Variants in SNX7 observed in about 807,000 individuals in gnomAD.
SNX7 encodes the protein sorting nexin-7.
A neutral mutation model predicts 48.4 loss-of-function variants in SNX7; 35 were observed. The observed-to-expected ratio is 0.72, with a 90% CI of 0.55 to 0.96. The LOEUF (loss-of-function observed/expected upper bound fraction) is 0.96, where lower values mean the gene tolerates loss of function less well. Ranked by LOEUF, SNX7 falls within the 40% of genes least tolerant of loss-of-function variation. The pLI, the probability that SNX7 is intolerant of heterozygous loss-of-function variation, is 0.00. For synonymous variants in SNX7, 190 were observed against 190.2 expected (o/e 1.00, Z 0.01); for missense variants, 553 against 548.9 (o/e 1.01, Z -0.07).
chr1:98,733,059 A>G (rs11166094), intron 7 of SNX7, among the ~76,000 whole-genome samples: 1,943 of 152,258 alleles, frequency 0.013, 55 homozygotes, highest in African/African-American at 0.045. Flanking sequence ...GGAAGCTTCA[A>G]AGCTTAACTT....
rs373134161 is a variant in SNX7 at position 98,743,185 on chromosome 1, A to G, written c.1278+4796A>G. ...CTCATTTATGTGAGATTCTGTTATCATCAAAGCCCTGTGCTAATAAACACA... is the reference window on the plus strand; with the variant it reads ...CTCATTTATGTGAGATTCTGTTATCGTCAAAGCCCTGTGCTAATAAACACA... On this transcript the variant is annotated intron_variant, in intron 8 of 8. Coordinates refer to ENST00000306121, the MANE Select transcript of SNX7 (RefSeq NM_015976.5). Among the ~76,000 whole-genome samples, 92 of 152,076 alleles carry G rather than the reference A, an allele frequency of 6.0e-4. No individual in the cohort carries two copies. The South Asian group carries it at 0.011, about 19-fold the overall frequency.
chr1:98,747,034 A>G (rs1297277692), intron 8 of SNX7, among the ~76,000 whole-genome samples: 2 of 152,006 alleles, frequency 1.3e-5, no homozygotes, highest in Admixed American at 1.3e-4. Context: ...ATTTTCTTCA[A>G]AAGTTAAGTT....
At chr1:98,691,740 C>G (rs1651140231) in intron 4 of SNX7, 41 bp downstream of exon 4, 2 of 1,475,286 alleles carry the variant, frequency 1.4e-6, no homozygotes, top group East Asian at 4.8e-5. Flanking sequence ...CTTTGGGTGT[C>G]TGTATCTATA....
At chr1:98,663,605 C>G (rs994959544) in intron 1 of SNX7, among the ~76,000 whole-genome samples, 16 of 152,032 alleles carry the variant, frequency 1.1e-4, no homozygotes, top group Admixed American at 3.3e-4. Flanking sequence ...TGACAGGTCC[C>G]GACCAGAAGC....
chr1:98,677,802 C>T (rs781239583), intron 1 of SNX7, among the ~76,000 whole-genome samples: 3 of 151,038 alleles, frequency 2.0e-5, no homozygotes, highest in Admixed American at 6.6e-5. Flanking sequence ...TGCTTGAACC[C>T]GGGAGGTGGA....
intron 7 of SNX7, among the ~76,000 whole-genome samples, chr1:98,718,406 C>G (rs1427668868): frequency 6.6e-6 from 1 of 151,990 alleles, no homozygotes; most frequent in Non-Finnish European, 1.5e-5. Context: ...ATTTTTATGC[C>G]TTATTTTCTG....
intron 8 of SNX7, among the ~76,000 whole-genome samples, chr1:98,752,756 G>T (rs1438195233): frequency 2.0e-5 from 3 of 151,966 alleles, no homozygotes; most frequent in African/African-American, 4.8e-5. Context: ...TCAAAGTATA[G>T]ATCTGTTCCT....
At chr1:98,716,089 C>G (rs913550789) in intron 7 of SNX7, among the ~76,000 whole-genome samples, 6 of 152,104 alleles carry the variant, frequency 3.9e-5, no homozygotes, top group African/African-American at 1.2e-4. Context: ...GAGACAGGCT[C>G]TCATCTTTTT....
At chr1:98,661,369 T>A (rs544071074), upstream of SNX7, among the ~76,000 whole-genome samples, 2 of 152,032 alleles carry the variant, frequency 1.3e-5, no homozygotes, top group African/African-American at 4.8e-5. Context: ...GTTCGCTTCG[T>A]GGCTTCTTCC....
chr1:98,755,338 A>G (rs1224290161), intron 8 of SNX7, among the ~76,000 whole-genome samples: 4 of 152,102 alleles, frequency 2.6e-5, no homozygotes, highest in Admixed American at 6.6e-5. Context: ...GATCTTATAT[A>G]TGAGTGCTGA....
Position 98,715,771 on chromosome 1 carries a change from T to G in SNX7, c.1125+13868T>G, listed in dbSNP as rs1652557033. Reference sequence around the variant, plus strand: ...TCAGCCCTGGAATCAGTTATTTCTCTAATGAGCCCTGGTTCCTTTTGGTAG... The same window carrying G: ...TCAGCCCTGGAATCAGTTATTTCTCGAATGAGCCCTGGTTCCTTTTGGTAG... On this transcript the variant is annotated intron_variant, in intron 7 of 8. Coordinates refer to ENST00000306121, the MANE Select transcript of SNX7 (RefSeq NM_015976.5). Among the ~76,000 whole-genome samples, 3 of 152,164 alleles carry G rather than the reference T, an allele frequency of 2.0e-5. No individual in the cohort carries two copies. The South Asian group carries it at 6.2e-4, about 31-fold the overall frequency.
At chr1:98,731,166 G>C in intron 7 of SNX7, among the ~76,000 whole-genome samples, 1 of 116,628 alleles carries the variant, frequency 8.6e-6, no homozygotes, top group African/African-American at 3.0e-5. Context: ...TTTTTTTTTA[G>C]AATGAACAAA....
intron 3 of SNX7, 64 bp from the exon 4 acceptor site, chr1:98,691,471 T>C (rs1651120431): frequency 7.4e-7 from 1 of 1,346,628 alleles, no homozygotes; most frequent in South Asian, 1.7e-5. Flanking sequence ...AGGGAAAGCG[T>C]AGAATTGCTT....
chr1:98,701,576 G>A (rs956423218), intron 6 of SNX7, among the ~76,000 whole-genome samples: 1 of 151,248 alleles, frequency 6.6e-6, no homozygotes, highest in Non-Finnish European at 1.5e-5. Context: ...TGGGTAAAAT[G>A]TGCATTAGGA....
intron 7 of SNX7, among the ~76,000 whole-genome samples, chr1:98,706,038 C>T (rs911918529): frequency 2.0e-5 from 3 of 152,102 alleles, no homozygotes; most frequent in African/African-American, 4.8e-5. Context: ...AGGTGTGCAG[C>T]TTTACATAAT....
rs376830147 is a variant in SNX7 at position 98,730,847 on chromosome 1, A to G, written c.1126-7390A>G. 4.8e-4 allele frequency among the ~76,000 whole-genome samples: 73 copies of G among 152,282 alleles called. No individual in the cohort carries two copies. In the South Asian group the frequency reaches 0.012, roughly 26 times the overall value. On this transcript the variant is annotated intron_variant, in intron 7 of 8. Transcript: ENST00000306121. ...CTACCCAAAGTAATTTATGGATTCAATGCTATTCCTGTTAAATTGAGCTGG... is the reference window on the plus strand; with the variant it reads ...CTACCCAAAGTAATTTATGGATTCAGTGCTATTCCTGTTAAATTGAGCTGG...
intron 8 of SNX7, among the ~76,000 whole-genome samples, chr1:98,741,330 G>T (rs1654058222): frequency 6.6e-6 from 1 of 152,040 alleles, no homozygotes; most frequent in Non-Finnish European, 1.5e-5. Flanking sequence ...ACATGGTATG[G>T]GTCTGTATCC....
At chr1:98,714,851 G>A (rs2100996631) in intron 7 of SNX7, among the ~76,000 whole-genome samples, 1 of 152,256 alleles carries the variant, frequency 6.6e-6, no homozygotes, top group Middle Eastern at 3.4e-3. Flanking sequence ...GCAATGGAGA[G>A]CCCCTGAAGG....
intron 8 of SNX7, among the ~76,000 whole-genome samples, 171 bp downstream of exon 8, chr1:98,738,560 G>A (rs1322560808): frequency 6.6e-6 from 1 of 152,158 alleles, no homozygotes; most frequent in Admixed American, 6.5e-5. Context: ...TTTATCCTCA[G>A]TTTGTTGTTT....
Sources: allele counts gnomAD v4.1 joint callset (sites outside exome capture counted in the v4.1 genomes callset), GRCh38; gene constraint gnomAD v4.1.1; transcripts MANE v1.5; gene names NCBI Gene and HGNC (gene_info 2026-07-23, HGNC 2026-07-21).